Variants in KIF5C observed in about 807,000 individuals in gnomAD.
KIF5C encodes kinesin heavy chain isoform 5C.
In KIF5C, 18 loss-of-function variants were observed where a neutral mutation model predicts 125.2. The observed-to-expected ratio is 0.14, with a 90% CI of 0.10 to 0.21. KIF5C has a LOEUF of 0.21. KIF5C is among the 10% of genes least tolerant of loss of function. The pLI, the probability that KIF5C is intolerant of heterozygous loss-of-function variation, is 1.00. For synonymous variants in KIF5C, 405 were observed against 434.0 expected (o/e 0.93, Z 0.83); for missense variants, 780 against 1,183.8 (o/e 0.66, Z 5.01).
chr2:148,934,986 A>C (rs1299376563), intron 3 of KIF5C: 1 of 309,254 alleles, frequency 3.2e-6, no homozygotes, highest in Non-Finnish European at 6.5e-6. Flanking sequence ...AGTTTGCTGC[A>C]CATAAAGCCC....
At chr2:148,933,759 A>T (rs1250801634) in intron 3 of KIF5C, among the ~76,000 whole-genome samples, 2 of 150,970 alleles carry the variant, frequency 1.3e-5, no homozygotes, top group Non-Finnish European at 3.0e-5. Context: ...ACGCACACAC[A>T]TACATTCACG....
chr2:148,985,726 G>A (rs1681365185), intron 15 of KIF5C, among the ~76,000 whole-genome samples: 1 of 152,142 alleles, frequency 6.6e-6, no homozygotes, highest in Admixed American at 6.5e-5. Context: ...GTCGTGAGCT[G>A]GGATTGTTAA....
intron 1 of KIF5C, among the ~76,000 whole-genome samples, chr2:148,893,307 A>T (rs780914752): frequency 1.4e-4 from 21 of 152,218 alleles, no homozygotes; most frequent in Non-Finnish European, 2.5e-4. Flanking sequence ...TTCTCTGCTC[A>T]AAAACATGTA....
At position 148,950,512 on chromosome 2, in the gene KIF5C, A is replaced by C. The variant is rs1020247170; in HGVS notation, c.968+50A>C. 2.5e-6 allele frequency: 4 copies of C among 1,572,032 alleles called. No individual in the cohort carries two copies. In the African/African-American group the frequency reaches 5.4e-5, roughly 21 times the overall value. ...TCCTCTGTGCTAGGTCTTGGGTCTTAAGAGTGAATGGCAAGGCTGGGTGCA... is the reference window on the plus strand; with the variant it reads ...TCCTCTGTGCTAGGTCTTGGGTCTTCAGAGTGAATGGCAAGGCTGGGTGCA... On this transcript the variant is annotated intron_variant, in intron 10 of 25. Transcript: ENST00000435030.
intron 19 of KIF5C, among the ~76,000 whole-genome samples, chr2:148,999,765 A>G (rs1681796676): frequency 6.6e-6 from 1 of 151,918 alleles, no homozygotes. Context: ...TTTCAAATGG[A>G]CTCTGGGTTT....
At chr2:148,973,252 G>A (rs2105146572) in intron 11 of KIF5C, 84 bp from the exon 12 acceptor site, 1 of 1,497,528 alleles carries the variant, frequency 6.7e-7, no homozygotes, top group East Asian at 2.3e-5. Context: ...TTTTTCACCA[G>A]GACTGATTAT....
rs777426851 is a variant in KIF5C, at chr2:149,000,423, T to C, written c.2211T>C (p.Asp737=). Residue 737 remains aspartate, a splice_region_variant and synonymous_variant, in exon 20 of 26, where the codon GAT becomes GAC. Coordinates refer to ENST00000435030, the MANE Select transcript of KIF5C (RefSeq NM_004522.3). ...TATTGCTTTTTCCTCTCAATTTCAG[T>C]TTGAATCAGAAACTGCAACTGGAAC... is the stretch of plus-strand genomic sequence containing the variant. ...EKQKIIDEIR[D]LNQKLQLEQE... 1 of 1,577,168 alleles carries C rather than the reference T, an allele frequency of 6.3e-7. No homozygotes were observed. Among genetic ancestry groups the C allele is most frequent in the Non-Finnish European group, 8.6e-7 (1 of 1,157,636 alleles).
chr2:148,935,553 C>T (rs996859050), intron 3 of KIF5C, among the ~76,000 whole-genome samples: 2 of 152,144 alleles, frequency 1.3e-5, no homozygotes, highest in Non-Finnish European at 2.9e-5. Flanking sequence ...ATTTGTTACA[C>T]ATTTATGATG....
rs1024605627 is a variant in KIF5C, at chr2:149,000,885, A to G, written c.2373+103A>G. The G allele has an allele frequency of 2.2e-5, 35 of 1,556,982 alleles. No individual in the cohort carries two copies. In the African/African-American group the frequency reaches 4.0e-4, roughly 18 times the overall value. Reference sequence around the variant, plus strand: ...TTTATCCATGCACACCTTTCTGTGTAATGTTTTAGATAAGACATTCTATGG... The same window carrying G: ...TTTATCCATGCACACCTTTCTGTGTGATGTTTTAGATAAGACATTCTATGG... On this transcript the variant is annotated intron_variant, in intron 21 of 25. Transcript: ENST00000435030.
intron 2 of KIF5C, among the ~76,000 whole-genome samples, chr2:148,922,681 A>T (rs550704847): frequency 6.6e-6 from 1 of 152,296 alleles, no homozygotes; most frequent in East Asian, 1.9e-4. Flanking sequence ...AATATGGAAA[A>T]TTTTTGCCAT....
chr2:149,005,962 G>A (rs963696070), intron 22 of KIF5C, among the ~76,000 whole-genome samples: 7 of 152,206 alleles, frequency 4.6e-5, no homozygotes, highest in African/African-American at 9.6e-5. Context: ...TGCAGATGTG[G>A]AGATAGGCTC....
At chr2:148,928,176 G>T (rs1467184674) in intron 2 of KIF5C, among the ~76,000 whole-genome samples, 1 of 152,038 alleles carries the variant, frequency 6.6e-6, no homozygotes, top group Non-Finnish European at 1.5e-5. Flanking sequence ...AAACAAACCA[G>T]CATCATAAAA....
In KIF5C at chr2:149,024,145, G is replaced by A. The variant is rs1330529452; in HGVS notation, c.*1075G>A. 6.6e-6 allele frequency: 1 copy of A among 152,456 alleles called. No homozygotes were observed. 9.4% of individuals were successfully genotyped at this position (152,456 alleles called of 1,614,324 possible). A position where few individuals can be genotyped will look rare whatever the true frequency, so the allele number is the denominator to read the frequency against. On this transcript the variant is annotated 3_prime_UTR_variant, in exon 26 of 26. Transcript: ENST00000435030. ...GAATTCTTTCTTTGGCACCAAATAG[G>A]TTTCATCTTCTTAGGCACAATTAGA...
intron 11 of KIF5C, among the ~76,000 whole-genome samples, chr2:148,968,720 G>A (rs2105140499): frequency 6.6e-6 from 1 of 152,216 alleles, no homozygotes; most frequent in South Asian, 2.1e-4. Context: ...TTTTAGGAAT[G>A]AGGGTGAAAG....
chr2:148,914,015 G>A (rs1259303629), intron 1 of KIF5C, among the ~76,000 whole-genome samples: 2 of 152,226 alleles, frequency 1.3e-5, no homozygotes, highest in Non-Finnish European at 2.9e-5. Context: ...ATAGGTCAAG[G>A]CAGAAGCCAT....
rs562214692 is a variant in KIF5C at position 148,887,648 on chromosome 2, G to T, written c.126+11905G>T. Among the ~76,000 whole-genome samples the T allele has an allele frequency of 1.7e-4, 26 of 152,226 alleles. No homozygotes were observed. In the South Asian group the frequency reaches 5.4e-3, roughly 32 times the overall value. Reference sequence around the variant, plus strand: ...CAATTTGATTCTTACTTTGAAGCTGGGGTAGGAATCTGCTTAGAAAATGTA... The same window carrying T: ...CAATTTGATTCTTACTTTGAAGCTGTGGTAGGAATCTGCTTAGAAAATGTA... On this transcript the variant is annotated intron_variant, in intron 1 of 25. Coordinates refer to ENST00000435030, the MANE Select transcript of KIF5C (RefSeq NM_004522.3).
chr2:148,969,801 C>T (rs536992888), intron 11 of KIF5C, among the ~76,000 whole-genome samples: 2 of 152,242 alleles, frequency 1.3e-5, no homozygotes, highest in South Asian at 2.1e-4. Context: ...AGACAGATAA[C>T]CTAGTGTCAG....
chr2:148,975,626 C>A (rs1428711239), intron 12 of KIF5C, among the ~76,000 whole-genome samples: 1 of 152,204 alleles, frequency 6.6e-6, no homozygotes. Flanking sequence ...ACACGGTTTC[C>A]TCCCAGCTGT....
intron 11 of KIF5C, among the ~76,000 whole-genome samples, 173 bp from the exon 12 acceptor site, chr2:148,973,163 T>C (rs1478432288): frequency 1.3e-5 from 2 of 152,134 alleles, no homozygotes; most frequent in Non-Finnish European, 2.9e-5. Context: ...TTTTGGCCAA[T>C]TAACTAAGAC....
Sources: gnomAD v4.1 joint callset for allele counts (sites outside exome capture counted in the v4.1 genomes callset) on GRCh38, gnomAD v4.1.1 for gene constraint, MANE v1.5 for transcripts, NCBI Gene and HGNC (gene_info 2026-07-23, HGNC 2026-07-21) for gene names.